BICDL2: variants seen among roughly 807,000 people sequenced by gnomAD.
BICDL2 encodes BICD family-like cargo adapter 2.
A neutral mutation model predicts 56.6 loss-of-function variants in BICDL2; 62 were observed. That is an observed-to-expected ratio of 1.10 (90% CI 0.89 to 1.35). The LOEUF is 1.35. BICDL2 is among the 40% of genes most tolerant of loss of function. The pLI, the probability that BICDL2 is intolerant of heterozygous loss-of-function variation, is 0.00. For missense variants in BICDL2, 808 were observed against 684.5 expected, an observed-to-expected ratio of 1.18 and a Z score of -2.01; for synonymous variants, 358 against 319.8, an observed-to-expected ratio of 1.12 and a Z score of -1.27.
At chr16:3,036,374 A>G (rs938644010) in intron 1 of BICDL2, 1 of 449,184 alleles carries the variant, frequency 2.2e-6, no homozygotes, top group African/African-American at 2.0e-5. Context: ...AGGGCGGCTC[A>G]GGGGCTGGGG....
chr16:3,028,767 G>A lies in BICDL2; in HGVS notation c.1171C>T (p.Arg391Trp), dbSNP rs1346934246. The A allele has an allele frequency of 1.3e-6, 2 of 1,559,794 alleles. No homozygotes were observed. Among genetic ancestry groups the A allele is most frequent in the African/African-American group, 1.4e-5 (1 of 73,536 alleles). Residue 391 changes from arginine (R) to tryptophan (W), a missense_variant, in exon 8 of 10, where the codon CGG becomes TGG. By Grantham distance (101) the Arg-to-Trp change is moderately radical (BLOSUM62 -3). Coordinates refer to ENST00000572449, the MANE Select transcript of BICDL2 (RefSeq NM_001369667.1). ...GCCTCCCCAGGGTCTTCCTGCGCCC[G>A]CAGCTCCTTCTGCCTCTGCAGCTCT... The part of the protein sequence containing the change: ...REELQRQKEL[R>W]AQEDPGEALH...
chr16:3,032,215 T>G (rs770319479), intron 2 of BICDL2: 5 of 152,302 alleles, frequency 3.3e-5, no homozygotes, highest in Non-Finnish European at 7.3e-5. Context: ...ATTACAGGCA[T>G]GAGACACCGT....
At chr16:3,031,750 C>A (rs917202183) in intron 2 of BICDL2, 37 of 387,746 alleles carry the variant, frequency 9.5e-5, no homozygotes, top group Admixed American at 3.6e-4. Context: ...ATGAAGGTGA[C>A]AATTGCCACA....
intron 2 of BICDL2, chr16:3,032,017 C>G (rs955762928): frequency 1.3e-5 from 2 of 152,266 alleles, no homozygotes; most frequent in African/African-American, 4.8e-5. Context: ...CGGCAATGTC[C>G]GCCTCCCAAG....
rs2151140434 is a variant in BICDL2, at chr16:3,029,550, T to A, written c.952A>T (p.Thr318Ser). 1 of 1,550,600 alleles carries A rather than the reference T, an allele frequency of 6.4e-7. No individual in the cohort carries two copies. Among genetic ancestry groups the A allele is most frequent in the East Asian group, 2.4e-5 (1 of 41,992 alleles). Residue 318 changes from threonine to serine, a missense_variant, in exon 6 of 10, where the codon ACC (threonine) becomes TCC (serine). Coordinates refer to ENST00000572449, the MANE Select transcript of BICDL2 (RefSeq NM_001369667.1). The part of the protein sequence containing the change: ...QGQGADAPGD[T>S]PTTRSPKTRK... ...CTGGGGCCCCACGAGCTCACCGGGG[T>A]GTCTCCGGGTGCGTCGGCGCCCTGG...
Position 3,030,506 on chromosome 16 carries a change from C to T in BICDL2, c.705G>A (p.Gln235=). The change falls in exon 5 of 10, where the codon CAG becomes CAA. Residue 235 remains glutamine (Q), a synonymous_variant. Transcript: ENST00000572449. ...GCAGCAGCAACTCCTCGTGGGTGGT[C>T]TGCAGTCTGCCCTCACCCTTCTCCA... ...EEVEKGEGRL[Q]TTHEELLLLR... is the part of the protein sequence containing the mutation. The T allele has an allele frequency of 6.2e-7, 1 of 1,603,894 alleles. No individual in the cohort carries two copies. The highest frequency in any genetic ancestry group is 1.3e-5 in the African/African-American group (1 of 75,040).
chr16:3,036,125 T>C (rs1456648563), intron 1 of BICDL2: 2 of 387,956 alleles, frequency 5.2e-6, no homozygotes, highest in African/African-American at 4.2e-5. Context: ...CCACCTCCAA[T>C]GTCCCCCACC....
chr16:3,035,195 C>A lies in BICDL2; in HGVS notation c.282+20G>T. 2 of 376,602 alleles carry A rather than the reference C, an allele frequency of 5.3e-6. No homozygotes were observed. Among genetic ancestry groups the A allele is most frequent in the Non-Finnish European group, 1.1e-5 (2 of 186,280 alleles). The allele number at this position is 376,602 out of a possible 1,614,324, so 23.3% of individuals were successfully genotyped here. A position where few individuals can be genotyped will look rare whatever the true frequency, so the allele number is the denominator to read the frequency against. ...CTCCCCTGCCCACCCACCCACCCAC[C>A]CCGTCCAGTGCTAGCTCACTTCCTC... On this transcript the variant is annotated intron_variant, in intron 2 of 9. Transcript: ENST00000572449.
At position 3,027,813 on chromosome 16, in the gene BICDL2, C is replaced by A; in HGVS notation, c.*293G>T. On this transcript the variant is annotated 3_prime_UTR_variant, in exon 10 of 10. Coordinates refer to ENST00000572449, the MANE Select transcript of BICDL2 (RefSeq NM_001369667.1). ...TGGAGTGATTTATATATTACTCTGTCCGATCTTGATACATAAATACCCAGC... is the reference window on the plus strand; with the variant it reads ...TGGAGTGATTTATATATTACTCTGTACGATCTTGATACATAAATACCCAGC... The A allele has an allele frequency of 2.2e-6, 2 of 900,552 alleles. No individual in the cohort carries two copies. The highest frequency in any genetic ancestry group is 6.1e-5 in the Admixed American group (2 of 32,546). The allele number at this position is 900,552 out of a possible 1,614,324, so 55.8% of individuals were successfully genotyped here. A position where few individuals can be genotyped will look rare whatever the true frequency, so the allele number is the denominator to read the frequency against.
chr16:3,035,176 T>TTGGCCCGGGGGGGGGG, intron 2 of BICDL2, 39 bp downstream of exon 2: 14 of 136,274 alleles, frequency 1.0e-4, no homozygotes, highest in East Asian at 2.8e-4. Flanking sequence ...CGTCCTCCCC[T>TTGGCCCGGGGGGGGGG]GCCCACCCAC....
At chr16:3,033,324 G>C (rs1955683111) in intron 2 of BICDL2, among the ~76,000 whole-genome samples, 1 of 151,830 alleles carries the variant, frequency 6.6e-6, no homozygotes, top group African/African-American at 2.4e-5. Context: ...AATAATAAAA[G>C]AGTGGAAGCT....
chr16:3,035,711 G>A (rs1371535231), intron 1 of BICDL2, 185 bp from the exon 2 acceptor site: 2 of 587,708 alleles, frequency 3.4e-6, no homozygotes, highest in Non-Finnish European at 6.0e-6. Context: ...GTAAACTGAG[G>A]CAGGAAGCAG....
chr16:3,031,376 G>T, intron 2 of BICDL2: 1 of 580,670 alleles, frequency 1.7e-6, no homozygotes, highest in South Asian at 2.2e-5. Flanking sequence ...CCGGGGCAAG[G>T]GTTGGGGTGG....
rs756867193 is a variant in BICDL2 at position 3,035,460 on chromosome 16, G to T, written c.37C>A (p.Pro13Thr). 54 of 1,611,526 alleles carry T rather than the reference G, an allele frequency of 3.4e-5. No individual in the cohort carries two copies. Among genetic ancestry groups the T allele is most frequent in the Non-Finnish European group, 4.5e-5 (53 of 1,179,750 alleles). Residue 13 changes from proline to threonine, a missense_variant, in exon 2 of 10, where the codon CCG (proline) becomes ACG (threonine). Transcript: ENST00000572449. ...CTGGGAGAGGCGCCCCCTGAGAGCG[G>T]CCCGGACGGGAAGCTGGGCCCATCT... is the stretch of plus-strand genomic sequence containing the variant. ...SPDGPSFPSG[P>T]LSGGASPSGD...
rs1167733169 is a variant in BICDL2, at chr16:3,030,542, C to G, written c.669G>C (p.Leu223=). ...RQDLEAQIRG[L]REEVEKGEGR... is the part of the protein sequence containing the mutation. ...CCTCACCCTTCTCCACCTCCTCACG[C>G]AGGCCTCGGATCTGGGCCTCCAGGT... Residue 223 remains leucine (L), a synonymous_variant, in exon 5 of 10, where the codon CTG becomes CTC. Transcript: ENST00000572449. 6.3e-7 allele frequency: 1 copy of G among 1,599,800 alleles called. No homozygotes were observed. Among genetic ancestry groups the G allele is most frequent in the Non-Finnish European group, 8.5e-7 (1 of 1,177,320 alleles).
chr16:3,028,313 C>A, intron 9 of BICDL2, 35 bp downstream of exon 9: 1 of 1,540,338 alleles, frequency 6.5e-7, no homozygotes, highest in Non-Finnish European at 8.7e-7. Context: ...GGTCCCGCCC[C>A]TTGCCCCGCC....
In BICDL2 at chr16:3,027,706, T is replaced by C. The variant is rs1433334514; in HGVS notation, c.*400A>G. On this transcript the variant is annotated 3_prime_UTR_variant, in exon 10 of 10. Transcript: ENST00000572449. ...CTCAGGGTTTTAGAGTGTTTTTCAT[T>C]TTCTTTTTTTTTTTTTTTTTACAAT... 6.7e-6 allele frequency: 10 copies of C among 1,497,520 alleles called. No individual in the cohort carries two copies. The highest frequency in any genetic ancestry group is 8.9e-6 in the Non-Finnish European group (10 of 1,126,372). The allele number at this position is 1,497,520 out of a possible 1,614,324, so 92.8% of individuals were successfully genotyped here.
chr16:3,029,006 G>A (rs1345863900), intron 7 of BICDL2, among the ~76,000 whole-genome samples, 176 bp from the exon 8 acceptor site: 1 of 152,210 alleles, frequency 6.6e-6, no homozygotes, highest in Non-Finnish European at 1.5e-5. Flanking sequence ...TCAGGCTGGT[G>A]CGGGGTGGGG....
Position 3,029,593 on chromosome 16 carries a change from G to C in BICDL2, c.909C>G (p.Leu303=). The change falls in exon 6 of 10, where the codon CTC becomes CTG. Residue 303 remains leucine, a synonymous_variant. Coordinates refer to ENST00000572449, the MANE Select transcript of BICDL2 (RefSeq NM_001369667.1). ...ASLQSELAHS[L]DDGDQGQGAD... is the part of the protein sequence containing the mutation. ...CGCCCTGGCCCTGGTCGCCGTCGTC[G>C]AGGCTGTGGGCCAGTTCTGACTGCA... The C allele has an allele frequency of 6.5e-7, 1 of 1,543,422 alleles. No homozygotes were observed. Among genetic ancestry groups the C allele is most frequent in the Non-Finnish European group, 8.7e-7 (1 of 1,148,276 alleles).
Sources: allele counts gnomAD v4.1 joint callset (sites outside exome capture counted in the v4.1 genomes callset), GRCh38; gene constraint gnomAD v4.1.1; transcripts MANE v1.5; gene names NCBI Gene and HGNC (gene_info 2026-07-23, HGNC 2026-07-21).